AFG2A: variants seen among roughly 807,000 people sequenced by gnomAD.
AFG2A encodes the protein ATPase family gene 2 protein homolog A.
chr4:123,040,671 CTTTT>C, the AFG2A span, among the ~76,000 whole-genome samples: 3 of 152,116 alleles, frequency 2.0e-5, no homozygotes, highest in East Asian at 3.8e-4. Flanking sequence ...GGTATTGTTT[CTTTT>C]TCTTCAAAAT....
chr4:123,176,157 G>A, the AFG2A span, among the ~76,000 whole-genome samples: 4 of 152,186 alleles, frequency 2.6e-5, no homozygotes, highest in Non-Finnish European at 5.9e-5. Flanking sequence ...ACTCTTACTA[G>A]CTGGAACTGG....
the AFG2A span, among the ~76,000 whole-genome samples, chr4:123,132,614 A>ATG: frequency 1.6e-4 from 24 of 148,214 alleles, no homozygotes; most frequent in African/African-American, 5.7e-4. Flanking sequence ...ATATATATAT[A>ATG]TGTGCATATA....
the AFG2A span, among the ~76,000 whole-genome samples, chr4:123,009,217 A>G: frequency 2.0e-5 from 3 of 152,206 alleles, no homozygotes; most frequent in African/African-American, 4.8e-5. Context: ...TATGTGTGAC[A>G]ACAGGTGTGA....
At chr4:123,163,700 T>C in the AFG2A span, among the ~76,000 whole-genome samples, 1 of 152,180 alleles carries the variant, frequency 6.6e-6, no homozygotes, top group South Asian at 2.1e-4. Flanking sequence ...AGAGCTTCCC[T>C]TTTTTGAACA....
chr4:122,935,738 T>TA, the AFG2A span: 1 of 1,609,316 alleles, frequency 6.2e-7, no homozygotes, highest in East Asian at 2.2e-5. Context: ...AGAGGAGTGT[T>TA]ACTTTATGGT....
At chr4:123,247,217 T>TTGTG in the AFG2A span, among the ~76,000 whole-genome samples, 2 of 109,456 alleles carry the variant, frequency 1.8e-5, no homozygotes, top group African/African-American at 5.5e-5. Context: ...GTGTGCTTAC[T>TTGTG]TGCGTGCGTG....
chr4:123,057,703 G>T, the AFG2A span, among the ~76,000 whole-genome samples: 1 of 152,014 alleles, frequency 6.6e-6, no homozygotes, highest in Admixed American at 6.6e-5. Context: ...TGGAATAAAT[G>T]TTTCCTAAAG....
At chr4:123,167,590 A>G in the AFG2A span, among the ~76,000 whole-genome samples, 4 of 152,002 alleles carry the variant, frequency 2.6e-5, no homozygotes, top group African/African-American at 9.7e-5. Context: ...CTCGTGATCC[A>G]CCCACCTCGG....
chr4:123,011,412 A>C, the AFG2A span, among the ~76,000 whole-genome samples: 1 of 152,232 alleles, frequency 6.6e-6, no homozygotes, highest in South Asian at 2.1e-4. Context: ...GATTAGGGCT[A>C]GGAAATGTAA....
At chr4:122,931,109 T>G in the AFG2A span, among the ~76,000 whole-genome samples, 4 of 107,366 alleles carry the variant, frequency 3.7e-5, no homozygotes, top group Middle Eastern at 8.8e-3. Context: ...CAACTATTAT[T>G]TTTTTAAAAG....
At chr4:123,169,968 A>G in the AFG2A span, among the ~76,000 whole-genome samples, 1 of 152,240 alleles carries the variant, frequency 6.6e-6, no homozygotes, top group Non-Finnish European at 1.5e-5. Flanking sequence ...AAGAAAAGCT[A>G]TATAAGGATA....
the AFG2A span, among the ~76,000 whole-genome samples, chr4:123,195,254 G>A: frequency 4.6e-5 from 7 of 152,078 alleles, no homozygotes; most frequent in South Asian, 4.1e-4. Context: ...TACTATCCAC[G>A]CTATCCAAGT....
At chr4:123,305,892 A>G in the AFG2A span, among the ~76,000 whole-genome samples, 7 of 152,320 alleles carry the variant, frequency 4.6e-5, no homozygotes, top group South Asian at 1.2e-3. Flanking sequence ...CTTATTCTTC[A>G]TGGCATTCAG....
chr4:123,261,602 C>T, the AFG2A span, among the ~76,000 whole-genome samples: 4 of 152,014 alleles, frequency 2.6e-5, no homozygotes, highest in South Asian at 4.2e-4. Flanking sequence ...CTAAGGGGCT[C>T]CTGGAACCAA....
chr4:123,233,359 G>C, the AFG2A span, among the ~76,000 whole-genome samples: 1 of 151,816 alleles, frequency 6.6e-6, no homozygotes, highest in Non-Finnish European at 1.5e-5. Context: ...ATCTGTCAGA[G>C]CTGTGCTAAC....
At chr4:123,207,144 A>G in the AFG2A span, among the ~76,000 whole-genome samples, 1 of 152,182 alleles carries the variant, frequency 6.6e-6, no homozygotes, top group Non-Finnish European at 1.5e-5. Context: ...AGAGAATTAT[A>G]TTTAAAATTA....
chr4:123,004,309 C>T, the AFG2A span, among the ~76,000 whole-genome samples: 3 of 152,208 alleles, frequency 2.0e-5, no homozygotes, highest in African/African-American at 7.2e-5. Flanking sequence ...CGGTGCACTG[C>T]ACCCACTGTC....
At chr4:122,931,407 C>T in the AFG2A span, among the ~76,000 whole-genome samples, 17 of 151,780 alleles carry the variant, frequency 1.1e-4, no homozygotes, top group Non-Finnish European at 1.5e-4. Context: ...CCTTGAACAC[C>T]GTTAGCAAAT....
At chr4:123,212,232 C>T in the AFG2A span, among the ~76,000 whole-genome samples, 7 of 151,996 alleles carry the variant, frequency 4.6e-5, no homozygotes, top group Admixed American at 2.0e-4. Context: ...ATAGTTTTTC[C>T]TTTTTCTTGT....
Sources: gnomAD v4.1 joint callset for allele counts (sites outside exome capture counted in the v4.1 genomes callset) on GRCh38, gnomAD v4.1.1 for gene constraint, MANE v1.5 for transcripts, NCBI Gene and HGNC (gene_info 2026-07-23, HGNC 2026-07-21) for gene names.